Variants in SH3KBP1 observed in about 807,000 individuals in gnomAD.
The protein encoded by SH3KBP1 is SH3 domain-containing kinase-binding protein 1.
SH3KBP1 carries 8 observed loss-of-function variants against 50.1 expected under a neutral mutation model. That is an observed-to-expected ratio of 0.16 (90% CI 0.09 to 0.29). SH3KBP1 has a LOEUF of 0.29. Among genes scored for constraint, SH3KBP1 ranks in the 10% least tolerant of loss-of-function variants. The pLI is 1.00. For missense variants in SH3KBP1, 377 were observed against 535.2 expected (o/e 0.70, Z 2.92); for synonymous variants, 227 against 218.6 (o/e 1.04, Z -0.34).
intron 2 of SH3KBP1, among the ~76,000 whole-genome samples, chrX:19,760,041 C>CCTCTCTCCCTCTCTCT (rs2065350926): frequency 2.0e-5 from 1 of 50,459 alleles, no homozygotes; most frequent in Non-Finnish European, 3.6e-5. Context: ...TCTCTCTCTC[C>CCTCTCTCCCTCTCTCT]CTCTCTCTCT....
chrX:19,638,908 T>C (rs1015513002), intron 7 of SH3KBP1, among the ~76,000 whole-genome samples: 3 of 111,920 alleles, frequency 2.7e-5, no homozygotes, highest in African/African-American at 9.8e-5. Context: ...CTACAGTCTA[T>C]ACCAGCAGTT....
chrX:19,551,481 CAG>C (rs2065235696), intron 13 of SH3KBP1, among the ~76,000 whole-genome samples: 1 of 110,368 alleles, frequency 9.1e-6, no homozygotes, highest in South Asian at 3.9e-4. Flanking sequence ...TGACCCCTCT[CAG>C]GGGCCTTCCC....
Position 19,777,178 on chromosome X carries a change from AT to A in SH3KBP1, c.163-30738del, listed in dbSNP as rs767612504. ...TTTGAGGAACCACAGTCCACTCCCC[AT>A]TTCACTAAGGACTGCAGCTTCCACC... On this transcript the variant is annotated intron_variant, in intron 2 of 17. Coordinates refer to ENST00000397821, the MANE Select transcript of SH3KBP1 (RefSeq NM_031892.3). Among the ~76,000 whole-genome samples the A allele has an allele frequency of 2.7e-5, 3 of 111,244 alleles. No homozygotes were observed. In the South Asian group the frequency reaches 1.1e-3, roughly 42 times the overall value.
intron 16 of SH3KBP1, among the ~76,000 whole-genome samples, chrX:19,538,469 A>T (rs1182826799): frequency 9.0e-6 from 1 of 111,084 alleles, no homozygotes; most frequent in Non-Finnish European, 1.9e-5. Flanking sequence ...TTGGCCTCCC[A>T]AAGTGCTAGG....
At chrX:19,674,601 G>A (rs551493842) in intron 6 of SH3KBP1, among the ~76,000 whole-genome samples, 4 of 112,135 alleles carry the variant, frequency 3.6e-5, no homozygotes, top group African/African-American at 1.3e-4. Context: ...TTTACTGAGG[G>A]CCAACTATCA....
intron 1 of SH3KBP1, among the ~76,000 whole-genome samples, chrX:19,858,596 C>G (rs1321541036): frequency 8.9e-6 from 1 of 112,281 alleles, no homozygotes; most frequent in Non-Finnish European, 1.9e-5. Flanking sequence ...CCACTATACT[C>G]CGGCCTGGGC....
Position 19,662,411 on chromosome X carries a change from C to T in SH3KBP1, c.727-16936G>A, listed in dbSNP as rs114558612. Among the ~76,000 whole-genome samples the T allele has an allele frequency of 6.2e-3, 697 of 112,052 alleles. 8 individuals are homozygous for T. The highest frequency in any genetic ancestry group is 0.02 in the African/African-American group (620 of 30,900). ...AAAAAGAGTTAACTTCACTTTGTAA[C>T]GTTTTTCATATATGCTCAAGGATAA... is the stretch of plus-strand genomic sequence containing the variant. On this transcript the variant is annotated intron_variant, in intron 6 of 17. Coordinates refer to ENST00000397821, the MANE Select transcript of SH3KBP1 (RefSeq NM_031892.3).
chrX:19,726,859 A>G (rs777260200), intron 3 of SH3KBP1, among the ~76,000 whole-genome samples: 1 of 112,374 alleles, frequency 8.9e-6, no homozygotes, highest in East Asian at 2.8e-4. Flanking sequence ...AGTTAGGAAC[A>G]CTAATTTTAA....
At chrX:19,798,807 T>C (rs915626722) in intron 2 of SH3KBP1, among the ~76,000 whole-genome samples, 1 of 112,316 alleles carries the variant, frequency 8.9e-6, no homozygotes, top group Non-Finnish European at 1.9e-5. Flanking sequence ...ACTGCTTGCA[T>C]TTATGGCATA....
intron 6 of SH3KBP1, among the ~76,000 whole-genome samples, chrX:19,669,847 T>G (rs1370315817): frequency 9.0e-6 from 1 of 110,972 alleles, no homozygotes; most frequent in Non-Finnish European, 1.9e-5. Flanking sequence ...CCCCTACTCT[T>G]AAAATGATAT....
At chrX:19,758,327 CAAAAAAAAAAAAAA>C (rs60332447) in intron 2 of SH3KBP1, among the ~76,000 whole-genome samples, 23 of 37,653 alleles carry the variant, frequency 6.1e-4, no homozygotes, top group Admixed American at 1.6e-3. Flanking sequence ...GACTTCGTTT[CAAAAAAAAAAAAAA>C]AAAAAAAAAA....
intron 2 of SH3KBP1, among the ~76,000 whole-genome samples, chrX:19,824,909 C>T (rs1244044814): frequency 8.9e-6 from 1 of 112,053 alleles, no homozygotes; most frequent in Non-Finnish European, 1.9e-5. Flanking sequence ...CCAGACCCTA[C>T]TTGGAATAAC....
At position 19,535,551 on chromosome X, in the gene SH3KBP1, C is replaced by G. The variant is rs2064684797; in HGVS notation, c.*866G>C. 8.9e-6 allele frequency: 1 copy of G among 112,035 alleles called. No individual in the cohort carries two copies. The highest frequency in any genetic ancestry group is 9.5e-5 in the Admixed American group (1 of 10,510). The allele number at this position is 112,035 out of a possible 1,213,427, so 9.2% of individuals were successfully genotyped here. Reference sequence around the variant, plus strand: ...TGACATTTCTAGTTTCATGAACAACCTAAAACTAGGAGAAATAGAAAAGTC... The same window carrying G: ...TGACATTTCTAGTTTCATGAACAACGTAAAACTAGGAGAAATAGAAAAGTC... On this transcript the variant is annotated 3_prime_UTR_variant, in exon 18 of 18. Transcript: ENST00000397821.
At chrX:19,603,278 C>T (rs1443380689) in intron 9 of SH3KBP1, among the ~76,000 whole-genome samples, 1 of 112,220 alleles carries the variant, frequency 8.9e-6, no homozygotes, top group East Asian at 2.8e-4. Flanking sequence ...CCTTGCCCTC[C>T]CGGAAAGCAC....
At chrX:19,821,030 C>G (rs1187469326) in intron 2 of SH3KBP1, among the ~76,000 whole-genome samples, 2 of 111,591 alleles carry the variant, frequency 1.8e-5, no homozygotes, top group Non-Finnish European at 3.8e-5. Flanking sequence ...CATATTACCT[C>G]AATATATATT....
intron 10 of SH3KBP1, 58 bp downstream of exon 10, chrX:19,594,891 G>T: frequency 1.1e-6 from 1 of 877,089 alleles, no homozygotes; most frequent in Non-Finnish European, 1.7e-6. Context: ...AGGATGATTT[G>T]AATATATGCA....
At chrX:19,588,879 GCT>G in intron 11 of SH3KBP1, 77 bp from the exon 12 acceptor site, 1 of 815,387 alleles carries the variant, frequency 1.2e-6, no homozygotes, top group Non-Finnish European at 1.6e-6. Context: ...CTCATTTCCT[GCT>G]AAAAAAAAAA....
intron 3 of SH3KBP1, among the ~76,000 whole-genome samples, chrX:19,743,464 A>G (rs2064831822): frequency 9.0e-6 from 1 of 111,139 alleles, no homozygotes; most frequent in African/African-American, 3.3e-5. Flanking sequence ...AGAAAGAAAA[A>G]AAAAGCCCAT....
intron 8 of SH3KBP1, among the ~76,000 whole-genome samples, chrX:19,623,737 G>A (rs987304889): frequency 8.9e-6 from 1 of 112,049 alleles, no homozygotes; most frequent in Non-Finnish European, 1.9e-5. Context: ...CTCAGAAACC[G>A]TGTATTTTAA....
Sources: gnomAD v4.1 joint callset for allele counts (sites outside exome capture counted in the v4.1 genomes callset) on GRCh38, gnomAD v4.1.1 for gene constraint, MANE v1.5 for transcripts, NCBI Gene and HGNC (gene_info 2026-07-23, HGNC 2026-07-21) for gene names.